The following MMP13 variants were observed in gnomAD, a reference collection of about 807,000 sequenced individuals.
MMP13 encodes the protein collagenase 3.
MMP13 carries 45 observed loss-of-function variants against 52.1 expected under a neutral mutation model. The observed-to-expected ratio is 0.86, with a 90% CI of 0.68 to 1.11. MMP13 has a LOEUF of 1.11. Among genes scored for constraint, MMP13 ranks in the 50% least tolerant of loss-of-function variants. MMP13 has a pLI of 0.00. For missense variants in MMP13, 576 were observed against 583.8 expected (o/e 0.99, Z 0.14); for synonymous variants, 200 against 204.4 (o/e 0.98, Z 0.18).
intron 8 of MMP13, among the ~76,000 whole-genome samples, chr11:102,947,479 A>G (rs371182747): frequency 6.6e-6 from 1 of 152,126 alleles, no homozygotes; most frequent in African/African-American, 2.4e-5. Context: ...GACACAAGAC[A>G]TGAGAATTGC....
intron 5 of MMP13, among the ~76,000 whole-genome samples, chr11:102,950,727 C>T (rs908261611): frequency 7.2e-5 from 11 of 152,142 alleles, no homozygotes; most frequent in Admixed American, 5.2e-4. Context: ...GCCTTCAGCA[C>T]TTATGTGACT....
intron 8 of MMP13, among the ~76,000 whole-genome samples, chr11:102,946,435 A>G (rs1214200507): frequency 2.0e-5 from 3 of 152,228 alleles, no homozygotes; most frequent in Non-Finnish European, 2.9e-5. Flanking sequence ...TAAACTACCA[A>G]TAAAGCTAAG....
chr11:102,945,647 A>T lies in MMP13; in HGVS notation c.1314T>A (p.Asn438Lys), dbSNP rs1860493557. ...AGTCAGTGCAATGTAACTACTTACC[A>T]TTTTTCTCATAGACAGCATCTACTT... ...GDKVDAVYEK[N>K]GYIYFFNGPI... Residue 438 changes from asparagine (N) to lysine (K), a missense_variant and splice_region_variant, in exon 9 of 10, where the codon AAT becomes AAA. By Grantham distance (94) the Asn-to-Lys change is moderately conservative. Coordinates refer to ENST00000260302, the MANE Select transcript of MMP13 (RefSeq NM_002427.4). 2 of 1,568,824 alleles carry T rather than the reference A, an allele frequency of 1.3e-6. No homozygotes were observed. The highest frequency in any genetic ancestry group is 1.8e-6 in the Non-Finnish European group (2 of 1,140,130).
chr11:102,955,326 G>A lies in MMP13; in HGVS notation c.288C>T (p.Cys96=), dbSNP rs760359971. ...NTLDVMKKPR[C]GVPDVGEYNV... ...TGTATTCACCCACATCAGGAACCCC[G>A]CATCTTGGCTTTTTCATGACATCTA... Residue 96 remains cysteine, a synonymous_variant, in exon 2 of 10, where the codon TGC becomes TGT. Transcript: ENST00000260302. This position sits in a 1 kb window ranked among gnomAD's most constrained non-coding sequence, Gnocchi z 4.9. 2 of 1,613,786 alleles carry A rather than the reference G, an allele frequency of 1.2e-6. No homozygotes were observed. Among genetic ancestry groups the A allele is most frequent in the African/African-American group, 1.3e-5 (1 of 74,866 alleles).
intron 7 of MMP13, 135 bp downstream of exon 7, chr11:102,948,890 C>A: frequency 8.2e-7 from 1 of 1,222,280 alleles, no homozygotes; most frequent in South Asian, 1.3e-5. Flanking sequence ...TACTTTCTGG[C>A]TTCCATTTTT....
At chr11:102,944,618 C>T (rs1166684825) in intron 9 of MMP13, among the ~76,000 whole-genome samples, 4 of 151,306 alleles carry the variant, frequency 2.6e-5, no homozygotes, top group African/African-American at 7.3e-5. Flanking sequence ...TTTTTGTGTG[C>T]GTATATGAGA....
chr11:102,952,038 T>TC lies in MMP13; in HGVS notation c.772dup (p.Asp258GlyfsTer14), dbSNP rs797044754. On this transcript the variant is annotated frameshift_variant, in exon 5 of 10. Coordinates refer to ENST00000260302, the MANE Select transcript of MMP13 (RefSeq NM_002427.4). LOFTEE classifies it high-confidence loss of function. This position sits in a 1 kb window ranked among gnomAD's most constrained non-coding sequence, Gnocchi z 4.3. Reference sequence around the variant, plus strand: ...ATAGAGAGACTGGATCCCTTGTACATCGTCATCAGGAAGCATAAAGTGGCT... The same window carrying TC: ...ATAGAGAGACTGGATCCCTTGTACATCCGTCATCAGGAAGCATAAAGTGGCT... 1 of 1,613,334 alleles carries TC rather than the reference T, an allele frequency of 6.2e-7. No homozygotes were observed. Among genetic ancestry groups the TC allele is most frequent in the Non-Finnish European group, 8.5e-7 (1 of 1,179,398 alleles).
chr11:102,945,166 C>A, intron 9 of MMP13: 3 of 437,764 alleles, frequency 6.9e-6, no homozygotes, highest in South Asian at 5.3e-5. Context: ...ATCTCTTGAA[C>A]CCAGGAGGCG....
Position 102,944,325 on chromosome 11 carries a change from T to G in MMP13, c.1357A>C (p.Ser453Arg). ...FFNGPIQFEY[S>R]IWSNRIVRVM... Reference sequence around the variant, plus strand: ...CGAACAATACGGTTACTCCAGATGCTGTATTCAAACTGTATGGGTCCGTTG... The same window carrying G: ...CGAACAATACGGTTACTCCAGATGCGGTATTCAAACTGTATGGGTCCGTTG... Residue 453 changes from serine (S) to arginine (R), a missense_variant, in exon 10 of 10, where the codon AGC (serine) becomes CGC (arginine). By Grantham distance (110) the Ser-to-Arg change is moderately radical. Transcript: ENST00000260302. 6.2e-7 allele frequency: 1 copy of G among 1,613,304 alleles called. No homozygotes were observed. Among genetic ancestry groups the G allele is most frequent in the Non-Finnish European group, 8.5e-7 (1 of 1,179,420 alleles).
chr11:102,949,013 T>C lies in MMP13; in HGVS notation c.1051+12A>G, dbSNP rs376188703. On this transcript the variant is annotated intron_variant, in intron 7 of 9. Transcript: ENST00000260302. This position sits in a 1 kb window ranked among gnomAD's most constrained non-coding sequence, Gnocchi z 4.2. The stretch of plus-strand genomic sequence containing the variant: ...CTGGTCTTGTGTGAGGACTCCTCTG[T>C]GGAAAGCTTACCTCTGAAGATGAAG... The C allele has an allele frequency of 5.0e-6, 8 of 1,613,472 alleles. No individual in the cohort carries two copies. The highest frequency in any genetic ancestry group is 1.3e-5 in the African/African-American group (1 of 74,856).
chr11:102,955,660 G>T lies in MMP13; in HGVS notation c.46C>A (p.His16Asn), dbSNP rs1860687891. The T allele has an allele frequency of 6.2e-7, 1 of 1,613,860 alleles. No homozygotes were observed. Among genetic ancestry groups the T allele is most frequent in the Admixed American group, 1.7e-5 (1 of 59,976 alleles). The change falls in exon 1 of 10, where the codon CAT becomes AAT. Residue 16 changes from histidine (H) to asparagine (N), a missense_variant. His to Asn is a moderately conservative substitution (Grantham distance 68). Transcript: ENST00000260302. This position sits in a 1 kb window ranked among gnomAD's most constrained non-coding sequence, Gnocchi z 4.9. ...CTGGGAAGGGGCAGGGCCCGACAAT[G>T]AGTCCAGCTCAAGAAGAGGAAGGCA... ...LAAFLFLSWTHCRALPLPSGG... is the reference protein window; with the variant it reads ...LAAFLFLSWTNCRALPLPSGG...
intron 8 of MMP13, among the ~76,000 whole-genome samples, chr11:102,947,057 T>G (rs1305411108): frequency 6.6e-6 from 1 of 152,238 alleles, no homozygotes; most frequent in Non-Finnish European, 1.5e-5. Context: ...GTTTTAAACA[T>G]TCCAGCTTCA....
chr11:102,954,633 A>T, intron 2 of MMP13, 27 bp from the exon 3 acceptor site: 1 of 1,608,506 alleles, frequency 6.2e-7, no homozygotes, highest in South Asian at 1.1e-5. Context: ...GTTTCAATGA[A>T]CTTTTTGGAA....
In MMP13 at chr11:102,955,665, C is replaced by CA. The variant is rs1283345650; in HGVS notation, c.40dup (p.Trp14LeufsTer14). On this transcript the variant is annotated frameshift_variant, in exon 1 of 10. Coordinates refer to ENST00000260302, the MANE Select transcript of MMP13 (RefSeq NM_002427.4). LOFTEE classifies it high-confidence loss of function. This position sits in a 1 kb window ranked among gnomAD's most constrained non-coding sequence, Gnocchi z 4.9. Reference sequence around the variant, plus strand: ...AAGGGGCAGGGCCCGACAATGAGTCCAGCTCAAGAAGAGGAAGGCAGCCAG... The same window carrying CA: ...AAGGGGCAGGGCCCGACAATGAGTCCAAGCTCAAGAAGAGGAAGGCAGCCAG... 6.2e-7 allele frequency: 1 copy of CA among 1,613,950 alleles called. No individual in the cohort carries two copies. The highest frequency in any genetic ancestry group is 8.5e-7 in the Non-Finnish European group (1 of 1,179,898).
chr11:102,944,637 C>T (rs1860467710), intron 9 of MMP13, among the ~76,000 whole-genome samples: 2 of 151,876 alleles, frequency 1.3e-5, no homozygotes, highest in Admixed American at 1.3e-4. Flanking sequence ...GACAGAGTCT[C>T]ACTCTGTCAT....
At position 102,954,299 on chromosome 11, in the gene MMP13, G is replaced by A; in HGVS notation, c.512-18C>T. The A allele has an allele frequency of 6.2e-7, 1 of 1,613,552 alleles. No individual in the cohort carries two copies. ...GCCATGCTCTACACACAAAAGCAAGGGTTAGGAGTCTTATCACATCCAGGA... is the reference window on the plus strand; with the variant it reads ...GCCATGCTCTACACACAAAAGCAAGAGTTAGGAGTCTTATCACATCCAGGA... On this transcript the variant is annotated intron_variant, in intron 3 of 9. Transcript: ENST00000260302.
chr11:102,945,069 C>T (rs1172481515), intron 9 of MMP13: 1 of 293,456 alleles, frequency 3.4e-6, no homozygotes, highest in East Asian at 1.0e-4. Flanking sequence ...CATGGCGAAA[C>T]TCCATCTCTA....
At position 102,950,104 on chromosome 11, in the gene MMP13, G is replaced by C; in HGVS notation, c.917+6C>G. ...TACAGACTTTATGAAAGAATCTCAA[G>C]AGTACCTGTCTTTAAAGATCATTGT... is the stretch of plus-strand genomic sequence containing the variant. On this transcript the variant is annotated splice_donor_region_variant and intron_variant, in intron 6 of 9. Transcript: ENST00000260302. 6.3e-7 allele frequency: 1 copy of C among 1,589,608 alleles called. No individual in the cohort carries two copies. Among genetic ancestry groups the C allele is most frequent in the South Asian group, 1.1e-5 (1 of 90,608 alleles).
rs762416563 is a variant in MMP13 at position 102,954,542 on chromosome 11, T to C, written c.427A>G (p.Lys143Glu). ...EVEKAFKKAF[K>E]VWSDVTPLNF... is the part of the protein sequence containing the mutation. Reference sequence around the variant, plus strand: ...AGAGGAGTTACATCGGACCAAACTTTGAAGGCTTTTTTGAATGCCTTTTCG... The same window carrying C: ...AGAGGAGTTACATCGGACCAAACTTCGAAGGCTTTTTTGAATGCCTTTTCG... Residue 143 changes from lysine (K) to glutamate (E), a missense_variant, in exon 3 of 10, where the codon AAA becomes GAA. Transcript: ENST00000260302. The C allele has an allele frequency of 4.3e-6, 7 of 1,613,578 alleles. No individual in the cohort carries two copies. In the Admixed American group the frequency reaches 1.2e-4, roughly 27 times the overall value.
Sources: allele counts gnomAD v4.1 joint callset (sites outside exome capture counted in the v4.1 genomes callset), GRCh38; gene constraint gnomAD v4.1.1; non-coding constraint Gnocchi (gnomAD v3.1); transcripts MANE v1.5; gene names NCBI Gene and HGNC (gene_info 2026-07-23, HGNC 2026-07-21).